Variants in FBXO25 observed in about 807,000 individuals in gnomAD.
FBXO25 encodes the protein F-box protein 25, also known as F-box only protein 25.
A neutral mutation model predicts 51.9 loss-of-function variants in FBXO25; 45 were observed. The observed-to-expected ratio is 0.87, with a 90% CI of 0.68 to 1.11. FBXO25 has a LOEUF of 1.11. Among genes scored for constraint, FBXO25 ranks in the 50% most tolerant of loss-of-function variants. FBXO25 has a pLI of 0.00. For synonymous variants in FBXO25, 199 were observed against 151.0 expected (o/e 1.32, Z -2.33); for missense variants, 507 against 428.5 (o/e 1.18, Z -1.62).
intron 9 of FBXO25, among the ~76,000 whole-genome samples, chr8:464,822 A>G (rs887603440): frequency 1.3e-5 from 2 of 152,146 alleles, no homozygotes; most frequent in African/African-American, 4.8e-5. Flanking sequence ...TTTCTGATTT[A>G]TTGTTTTATA....
chr8:433,582 C>T (rs1044905838), intron 4 of FBXO25, among the ~76,000 whole-genome samples: 17 of 152,294 alleles, frequency 1.1e-4, no homozygotes, highest in African/African-American at 4.1e-4. Context: ...AAAGCTTTTT[C>T]ATGAGCCATA....
chr8:439,471 A>G (rs1585051705), intron 5 of FBXO25, among the ~76,000 whole-genome samples: 1 of 152,378 alleles, frequency 6.6e-6, no homozygotes, highest in East Asian at 1.9e-4. Flanking sequence ...TGGTTATTTG[A>G]TAAATTATCT....
At chr8:452,958 G>A (rs1231775604) in intron 7 of FBXO25, among the ~76,000 whole-genome samples, 1 of 151,748 alleles carries the variant, frequency 6.6e-6, no homozygotes, top group African/African-American at 2.4e-5. Context: ...AGAGGCACGG[G>A]CTGAGGGATA....
At chr8:419,622 T>C (rs772432666) in intron 2 of FBXO25, among the ~76,000 whole-genome samples, 1 of 152,014 alleles carries the variant, frequency 6.6e-6, no homozygotes, top group Non-Finnish European at 1.5e-5. Context: ...CAAAAATAAA[T>C]AAAAACCTGT....
intron 5 of FBXO25, among the ~76,000 whole-genome samples, chr8:436,283 A>T (rs1317771065): frequency 6.6e-6 from 1 of 152,170 alleles, no homozygotes; most frequent in Non-Finnish European, 1.5e-5. Context: ...AAGATTAATT[A>T]CTATGTGGTT....
At chr8:423,460 A>G (rs959137475) in intron 2 of FBXO25, among the ~76,000 whole-genome samples, 7 of 151,736 alleles carry the variant, frequency 4.6e-5, no homozygotes, top group African/African-American at 1.5e-4. Flanking sequence ...TCTACCTTCT[A>G]GTAGTCCCCA....
In FBXO25 at chr8:430,942, T is replaced by A. The variant is rs75995042; in HGVS notation, c.135-399T>A. 7.5e-3 allele frequency among the ~76,000 whole-genome samples: 1,148 copies of A among 152,324 alleles called. 2 individuals carry two copies. Among genetic ancestry groups the A allele is most frequent in the Non-Finnish European group, 0.01 (705 of 68,026 alleles). On this transcript the variant is annotated intron_variant, in intron 2 of 9. Coordinates refer to ENST00000350302, the MANE Select transcript of FBXO25 (RefSeq NM_183420.2). ...CCCTTATATAGGGAGTAAACAGAAA[T>A]GTTGAGTGGTTACTCAGCATGGGGA... is the stretch of plus-strand genomic sequence containing the variant.
At chr8:438,183 T>A (rs933475117) in intron 5 of FBXO25, among the ~76,000 whole-genome samples, 7 of 151,956 alleles carry the variant, frequency 4.6e-5, no homozygotes, top group Non-Finnish European at 7.4e-5. Flanking sequence ...GCCTCCTGAG[T>A]AGCTGGGATT....
rs1217322942 is a variant in FBXO25, at chr8:475,731, A to G, written c.*6927A>G. ...AGATTGCTTGTTATTGTATAGAAATATCATGGATTTGTTGTGTTGATTTTG... is the reference window on the plus strand; with the variant it reads ...AGATTGCTTGTTATTGTATAGAAATGTCATGGATTTGTTGTGTTGATTTTG... On this transcript the variant is annotated 3_prime_UTR_variant, in exon 10 of 10. Transcript: ENST00000350302. 2.0e-5 allele frequency: 3 copies of G among 152,194 alleles called. No homozygotes were observed. Among genetic ancestry groups the G allele is most frequent in the Non-Finnish European group, 4.4e-5 (3 of 68,024 alleles). 9.4% of individuals were successfully genotyped at this position (152,194 alleles called of 1,614,324 possible). A position where few individuals can be genotyped will look rare whatever the true frequency, so the allele number is the denominator to read the frequency against.
chr8:446,403 T>A (rs539391368), intron 5 of FBXO25, among the ~76,000 whole-genome samples: 71 of 152,346 alleles, frequency 4.7e-4, no homozygotes, highest in African/African-American at 1.5e-3. Flanking sequence ...GAAGCCTATC[T>A]GGGGAGGCTT....
intron 1 of FBXO25, 49 bp from the exon 2 acceptor site, chr8:413,024 A>T: frequency 7.7e-7 from 1 of 1,301,492 alleles, no homozygotes. Flanking sequence ...GTGAAAAGAA[A>T]CTTTTATGAA....
At chr8:448,642 T>C (rs554549706) in intron 5 of FBXO25, among the ~76,000 whole-genome samples, 1 of 152,322 alleles carries the variant, frequency 6.6e-6, no homozygotes, top group African/African-American at 2.4e-5. Context: ...CAGCATCAGC[T>C]GTGTGGCTGA....
chr8:439,072 C>T (rs1384366756), intron 5 of FBXO25, among the ~76,000 whole-genome samples: 2 of 152,210 alleles, frequency 1.3e-5, no homozygotes, highest in African/African-American at 4.8e-5. Flanking sequence ...CCAGCAAACC[C>T]AGGACAGCTG....
rs1459504865 is a variant in FBXO25 at position 472,726 on chromosome 8, G to C, written c.*3922G>C. The C allele has an allele frequency of 6.6e-6, 1 of 152,228 alleles. No individual in the cohort carries two copies. Among genetic ancestry groups the C allele is most frequent in the African/African-American group, 2.4e-5 (1 of 41,466 alleles). The allele number at this position is 152,228 out of a possible 1,614,324, so 9.4% of individuals were successfully genotyped here. On this transcript the variant is annotated 3_prime_UTR_variant, in exon 10 of 10. Transcript: ENST00000350302. ...TAAGAGGATAAGACCATTTTCTCCA[G>C]AGATGCCTTTTAATGGTTTTTCTTT...
rs1800650467 is a variant in FBXO25 at position 476,595 on chromosome 8, C to G, written c.*7791C>G. The G allele has an allele frequency of 6.6e-6, 1 of 152,128 alleles. No homozygotes were observed. The highest frequency in any genetic ancestry group is 1.5e-5 in the Non-Finnish European group (1 of 67,998). 9.4% of individuals were successfully genotyped at this position (152,128 alleles called of 1,614,324 possible). On this transcript the variant is annotated 3_prime_UTR_variant, in exon 10 of 10. Transcript: ENST00000350302. Reference sequence around the variant, plus strand: ...TTCAATCTTGATAGGCTGTGTGTTTCTAAGAATTTGTCCAGTTCATCTAGG... The same window carrying G: ...TTCAATCTTGATAGGCTGTGTGTTTGTAAGAATTTGTCCAGTTCATCTAGG...
At chr8:438,089 C>G (rs1482683300) in intron 5 of FBXO25, among the ~76,000 whole-genome samples, 1 of 150,272 alleles carries the variant, frequency 6.7e-6, no homozygotes, top group East Asian at 2.0e-4. Context: ...GAGTCTCACT[C>G]TGTTGCCCAG....
rs1173661210 is a variant in FBXO25, at chr8:470,603, G to C, written c.*1799G>C. The C allele has an allele frequency of 1.3e-5, 2 of 152,132 alleles. No homozygotes were observed. The highest frequency in any genetic ancestry group is 2.9e-5 in the Non-Finnish European group (2 of 68,100). 9.4% of individuals were successfully genotyped at this position (152,132 alleles called of 1,614,324 possible). A position where few individuals can be genotyped will look rare whatever the true frequency, so the allele number is the denominator to read the frequency against. On this transcript the variant is annotated 3_prime_UTR_variant, in exon 10 of 10. Coordinates refer to ENST00000350302, the MANE Select transcript of FBXO25 (RefSeq NM_183420.2). ...ACCATGTTGCCCAGGCTGGTCTCAG[G>C]AGTTTGAGCTCAAGCAATCCACCTG...
At chr8:422,202 A>G (rs964195741) in intron 2 of FBXO25, among the ~76,000 whole-genome samples, 1 of 152,226 alleles carries the variant, frequency 6.6e-6, no homozygotes, top group African/African-American at 2.4e-5. Context: ...TACAGTGGAG[A>G]AACCTGGCAG....
At chr8:410,951 C>G (rs947180443) in intron 1 of FBXO25, among the ~76,000 whole-genome samples, 4 of 152,086 alleles carry the variant, frequency 2.6e-5, no homozygotes, top group Non-Finnish European at 5.9e-5. Flanking sequence ...TTGTTGAAGT[C>G]TATGTAATTT....
Sources: allele counts gnomAD v4.1 joint callset (sites outside exome capture counted in the v4.1 genomes callset), GRCh38; gene constraint gnomAD v4.1.1; transcripts MANE v1.5; gene names NCBI Gene and HGNC (gene_info 2026-07-23, HGNC 2026-07-21).